Variants in XRCC4 observed in about 807,000 individuals in gnomAD.
XRCC4 encodes DNA repair protein XRCC4.
Under a neutral mutation model 39.1 loss-of-function variants are expected in XRCC4, and 28 were observed. The ratio of observed to expected loss-of-function variants is 0.72; its 90% CI spans 0.53 to 0.98. The LOEUF (loss-of-function observed/expected upper bound fraction) is 0.98. Ranked by LOEUF, XRCC4 falls within the 50% of genes least tolerant of loss-of-function variation. The pLI, the probability that XRCC4 is intolerant of heterozygous loss-of-function variation, is 0.00. For synonymous variants in XRCC4, 123 were observed against 126.4 expected (o/e 0.97, Z 0.18); for missense variants, 350 against 376.4 (o/e 0.93, Z 0.58).
chr5:83,333,540 A>G (rs1055000788), intron 7 of XRCC4, among the ~76,000 whole-genome samples: 8 of 152,164 alleles, frequency 5.3e-5, no homozygotes, highest in African/African-American at 1.9e-4. Context: ...ATCATCTGTA[A>G]TAGGTCATGT....
chr5:83,343,190 C>T (rs1017124066), intron 7 of XRCC4, among the ~76,000 whole-genome samples: 1 of 151,912 alleles, frequency 6.6e-6, no homozygotes, highest in African/African-American at 2.4e-5. Context: ...TGAGCTTTAC[C>T]CTCGTCGTCA....
At chr5:83,366,626 ACT>A in the XRCC4 span, among the ~76,000 whole-genome samples, 1 of 151,958 alleles carries the variant, frequency 6.6e-6, no homozygotes, top group Non-Finnish European at 1.5e-5. Context: ...GGCTTACAAG[ACT>A]CTGAGAATAA....
At chr5:83,289,650 A>G (rs549060366) in intron 7 of XRCC4, among the ~76,000 whole-genome samples, 2 of 151,944 alleles carry the variant, frequency 1.3e-5, no homozygotes, top group South Asian at 4.1e-4. Context: ...ATTGAATCTT[A>G]GTCTTTTAGC....
intron 1 of XRCC4, among the ~76,000 whole-genome samples, chr5:83,101,827 C>T (rs1745951480): frequency 6.6e-6 from 1 of 152,022 alleles, no homozygotes; most frequent in Non-Finnish European, 1.5e-5. Context: ...AATCACTATT[C>T]AACGTAACCT....
chr5:83,212,888 C>G (rs1286133520), intron 6 of XRCC4, among the ~76,000 whole-genome samples: 1 of 146,178 alleles, frequency 6.8e-6, no homozygotes, highest in African/African-American at 2.6e-5. Flanking sequence ...GATCATGCCA[C>G]TGCACTCCAG....
At chr5:83,125,958 G>A (rs139630689) in intron 3 of XRCC4, among the ~76,000 whole-genome samples, 2 of 140,608 alleles carry the variant, frequency 1.4e-5, no homozygotes, top group African/African-American at 5.3e-5. Context: ...ACTCTAGCCT[G>A]GGCAAAAAGA....
chr5:83,271,522 G>A (rs3777038), intron 7 of XRCC4, among the ~76,000 whole-genome samples: 4 of 152,042 alleles, frequency 2.6e-5, no homozygotes, highest in East Asian at 1.9e-4. Flanking sequence ...TTATATAAAT[G>A]CTTTGTGGGA....
At chr5:83,347,284 AT>A (rs1210317397) in intron 7 of XRCC4, among the ~76,000 whole-genome samples, 1 of 152,180 alleles carries the variant, frequency 6.6e-6, no homozygotes, top group Non-Finnish European at 1.5e-5. Context: ...GATAGTAGAC[AT>A]TTGTATTCGT....
intron 3 of XRCC4, among the ~76,000 whole-genome samples, chr5:83,122,117 A>G (rs1747039287): frequency 6.6e-6 from 1 of 152,104 alleles, no homozygotes. Context: ...ATGTAGTATA[A>G]CTTCTTCAAC....
chr5:83,239,586 T>C (rs1752822542), intron 6 of XRCC4, among the ~76,000 whole-genome samples: 1 of 152,130 alleles, frequency 6.6e-6, no homozygotes, highest in Admixed American at 6.5e-5. Context: ...TCCCAGCACT[T>C]TGGGAGGCCG....
At position 83,276,528 on chromosome 5, in the gene XRCC4, A is replaced by G. The variant is rs28969555; in HGVS notation, c.893+17851A>G. ...ATGAAGAAGAAGTGGAAGAAGAGAA[A>G]TCTGAGCTGGCATGCTCTGCCCCCT... On this transcript the variant is annotated intron_variant, in intron 7 of 7. Transcript: ENST00000396027. Among the ~76,000 whole-genome samples the G allele has an allele frequency of 7.1e-3, 1,041 of 145,682 alleles. 8 individuals are homozygous for G. Among genetic ancestry groups the G allele is most frequent in the Middle Eastern group, 0.014 (4 of 292 alleles).
chr5:83,341,897 C>T (rs991094470), intron 7 of XRCC4, among the ~76,000 whole-genome samples: 6 of 152,046 alleles, frequency 3.9e-5, no homozygotes, highest in Admixed American at 6.6e-5. Flanking sequence ...AAATATTGTT[C>T]CAAGTCAAAT....
intron 3 of XRCC4, among the ~76,000 whole-genome samples, chr5:83,134,090 G>T (rs1002498382): frequency 2.6e-5 from 4 of 152,336 alleles, no homozygotes; most frequent in African/African-American, 9.6e-5. Flanking sequence ...TGAATCCCAT[G>T]CTTGGACCGC....
At chr5:83,219,839 A>G (rs1388274326) in intron 6 of XRCC4, among the ~76,000 whole-genome samples, 4 of 152,226 alleles carry the variant, frequency 2.6e-5, no homozygotes, top group Admixed American at 6.5e-5. Context: ...TAATATCAAC[A>G]TATTCTTTTT....
chr5:83,296,886 G>GA lies in XRCC4; in HGVS notation c.893+38216dup, dbSNP rs545977608. Among the ~76,000 whole-genome samples the GA allele has an allele frequency of 1.5e-4, 23 of 151,798 alleles. No homozygotes were observed. The East Asian group carries it at 4.1e-3, about 27-fold the overall frequency. On this transcript the variant is annotated intron_variant, in intron 7 of 7. Coordinates refer to ENST00000396027, the MANE Select transcript of XRCC4 (RefSeq NM_003401.5). Reference sequence around the variant, plus strand: ...TCTAAACAGAATAGACAAATTACTAGAAAAAAATAAGTGAAGAAGCAGTTT... The same window carrying GA: ...TCTAAACAGAATAGACAAATTACTAGAAAAAAAATAAGTGAAGAAGCAGTTT...
At chr5:83,309,588 C>T (rs945656064) in intron 7 of XRCC4, among the ~76,000 whole-genome samples, 64 of 150,638 alleles carry the variant, frequency 4.2e-4, no homozygotes, top group Admixed American at 1.3e-4. Context: ...GGTGAAAACC[C>T]GTCTCTACTA....
At chr5:83,229,594 A>T (rs1023247291) in intron 6 of XRCC4, among the ~76,000 whole-genome samples, 4 of 151,764 alleles carry the variant, frequency 2.6e-5, no homozygotes, top group African/African-American at 9.7e-5. Flanking sequence ...TGAACTAGAG[A>T]AATATCTTCA....
intron 6 of XRCC4, among the ~76,000 whole-genome samples, chr5:83,252,204 G>GT (rs1753347912): frequency 6.6e-6 from 1 of 152,116 alleles, no homozygotes; most frequent in African/African-American, 2.4e-5. Context: ...GAAGGAATAT[G>GT]TGTTTTGAAG....
intron 7 of XRCC4, among the ~76,000 whole-genome samples, chr5:83,342,749 G>C (rs747755455): frequency 2.0e-5 from 3 of 152,050 alleles, no homozygotes; most frequent in Non-Finnish European, 4.4e-5. Flanking sequence ...TTTTTATAAG[G>C]TCAACTAGAA....
Sources: gnomAD v4.1 joint callset for allele counts (sites outside exome capture counted in the v4.1 genomes callset) on GRCh38, gnomAD v4.1.1 for gene constraint, MANE v1.5 for transcripts, NCBI Gene and HGNC (gene_info 2026-07-23, HGNC 2026-07-21) for gene names.